The following SIMC1 variants were observed in gnomAD, a reference collection of about 807,000 sequenced individuals.
SIMC1 encodes the protein SUMO interacting motifs containing 1, also known as SUMO-interacting motif-containing protein 1.
A neutral mutation model predicts 82.3 loss-of-function variants in SIMC1; 55 were observed. The observed-to-expected ratio is 0.67, with a 90% CI of 0.54 to 0.84. SIMC1 has a LOEUF of 0.84. Ranked by LOEUF, SIMC1 falls within the 40% of genes least tolerant of loss-of-function variation. SIMC1 has a pLI of 0.00. For synonymous variants in SIMC1, 353 were observed against 426.3 expected (o/e 0.83, Z 2.12); for missense variants, 915 against 1,107.2 (o/e 0.83, Z 2.46).
At position 176,336,889 on chromosome 5, in the gene SIMC1, C is replaced by A; in HGVS notation, c.2328+13C>A. ...GCTCAAGTGTCAGGTACATTTTTTC[C>A]TGCCCAATTTCAGGCCTAGAGCACC... On this transcript the variant is annotated intron_variant, in intron 8 of 9. Coordinates refer to ENST00000429602, the MANE Select transcript of SIMC1 (RefSeq NM_001308195.2). 1 of 1,613,784 alleles carries A rather than the reference C, an allele frequency of 6.2e-7. No individual in the cohort carries two copies. Among genetic ancestry groups the A allele is most frequent in the Non-Finnish European group, 8.5e-7 (1 of 1,179,810 alleles).
chr5:176,275,617 G>A (rs1388751000), intron 1 of SIMC1, among the ~76,000 whole-genome samples: 2 of 151,718 alleles, frequency 1.3e-5, no homozygotes, highest in Non-Finnish European at 2.9e-5. Context: ...GTTTGTCATA[G>A]ATAGCTCTTA....
chr5:176,279,095 T>C lies in SIMC1; in HGVS notation c.130-10559T>C, dbSNP rs534801420. ...CATCTGGTCCTGGACTCTTTTTGGT[T>C]AGTAAGCTATTGATTGTTGCCACAA... On this transcript the variant is annotated intron_variant, in intron 1 of 9. Coordinates refer to ENST00000429602, the MANE Select transcript of SIMC1 (RefSeq NM_001308195.2). 1.6e-4 allele frequency among the ~76,000 whole-genome samples: 24 copies of C among 151,536 alleles called. No homozygotes were observed. The South Asian group carries it at 4.8e-3, about 30-fold the overall frequency.
At chr5:176,304,189 AT>A (rs59835353) in intron 4 of SIMC1, 89,099 of 151,856 alleles carry the variant, frequency 0.59, 26,200 homozygotes, top group Middle Eastern at 0.63. Flanking sequence ...GAGGGTTAAT[AT>A]CCAGAATATA....
intron 1 of SIMC1, among the ~76,000 whole-genome samples, chr5:176,247,804 C>T (rs1761500941): frequency 6.6e-6 from 1 of 151,448 alleles, no homozygotes; most frequent in Non-Finnish European, 1.5e-5. Flanking sequence ...GGAAGGGGCC[C>T]GGTTTCAGTT....
At chr5:176,338,792 CT>C (rs1486498254) in intron 9 of SIMC1, among the ~76,000 whole-genome samples, 15 of 79,940 alleles carry the variant, frequency 1.9e-4, no homozygotes, top group African/African-American at 5.2e-4. Context: ...GTTGTAGAGA[CT>C]TTAAAAAAAA....
intron 5 of SIMC1, among the ~76,000 whole-genome samples, chr5:176,318,591 A>G (rs947550738): frequency 8.5e-5 from 13 of 152,122 alleles, no homozygotes; most frequent in African/African-American, 2.7e-4. Context: ...TTTCTCTTTC[A>G]TGGCTCATAC....
In SIMC1 at chr5:176,313,806, A is replaced by G. The variant is rs1366699263; in HGVS notation, c.1850A>G (p.Asn617Ser). ...QRQHLQQSIA[N>S]MVLSCDKQPH... The stretch of plus-strand genomic sequence containing the variant: ...CAGCACCTGCAGCAATCCATTGCAA[A>G]CATGGTGCTTTCCTGTGACAAGCAG... The change falls in exon 5 of 10, where the codon AAC (asparagine) becomes AGC (serine). Residue 617 changes from asparagine (N) to serine (S), a missense_variant. This residue lies in a region of SIMC1 where 902 missense variants were observed against 1,040.3 expected (regional missense o/e 0.87). Coordinates refer to ENST00000429602, the MANE Select transcript of SIMC1 (RefSeq NM_001308195.2). 13 of 1,613,886 alleles carry G rather than the reference A, an allele frequency of 8.1e-6. No individual in the cohort carries two copies. The highest frequency in any genetic ancestry group is 1.0e-5 in the Non-Finnish European group (12 of 1,179,880).
At chr5:176,315,327 G>C (rs1041642456) in intron 5 of SIMC1, among the ~76,000 whole-genome samples, 3 of 152,140 alleles carry the variant, frequency 2.0e-5, no homozygotes, top group Admixed American at 1.3e-4. Context: ...AACTAATAGA[G>C]TGAGAACTCA....
Position 176,335,869 on chromosome 5 carries a change from C to A in SIMC1, c.2172-851C>A, listed in dbSNP as rs562669858. On this transcript the variant is annotated intron_variant, in intron 7 of 9. Coordinates refer to ENST00000429602, the MANE Select transcript of SIMC1 (RefSeq NM_001308195.2). Reference sequence around the variant, plus strand: ...GCCAGCCCTGACAACATAGTGAGACCGCATCTCTACAAAAAAAATAATAAT... The same window carrying A: ...GCCAGCCCTGACAACATAGTGAGACAGCATCTCTACAAAAAAAATAATAAT... Among the ~76,000 whole-genome samples the A allele has an allele frequency of 1.8e-3, 269 of 152,010 alleles. 1 individual carries two copies. Among genetic ancestry groups the A allele is most frequent in the African/African-American group, 6.2e-3 (258 of 41,468 alleles).
chr5:176,281,419 C>G (rs1200072374), intron 1 of SIMC1, among the ~76,000 whole-genome samples: 1 of 152,188 alleles, frequency 6.6e-6, no homozygotes, highest in Non-Finnish European at 1.5e-5. Flanking sequence ...AAACCTTCTT[C>G]TCTCAACTCG....
intron 1 of SIMC1, among the ~76,000 whole-genome samples, chr5:176,255,476 T>C (rs1204244408): frequency 6.6e-6 from 1 of 151,488 alleles, no homozygotes; most frequent in Non-Finnish European, 1.5e-5. Flanking sequence ...CCAGCTACTA[T>C]GGAGGCTGAG....
chr5:176,345,440 T>G lies in SIMC1; in HGVS notation c.2671T>G (p.Ser891Ala). Residue 891 changes from serine (S) to alanine (A), a missense_variant, in exon 10 of 10, where the codon TCC (serine) becomes GCC (alanine). Physicochemically the swap from Ser to Ala is moderately conservative, Grantham distance 99. Coordinates refer to ENST00000429602, the MANE Select transcript of SIMC1 (RefSeq NM_001308195.2). ...GCCCTTTCAAAAGGGCTGGAGCGGC[T>G]CCTGAGGGCCTGCCAAGCACTGAAT... The part of the protein sequence containing the change: ...AEPFQKGWSG[S>A] 1 of 1,611,926 alleles carries G rather than the reference T, an allele frequency of 6.2e-7. No individual in the cohort carries two copies. The highest frequency in any genetic ancestry group is 8.5e-7 in the Non-Finnish European group (1 of 1,178,772).
At chr5:176,286,638 G>A (rs1454611562) in intron 1 of SIMC1, among the ~76,000 whole-genome samples, 1 of 152,172 alleles carries the variant, frequency 6.6e-6, no homozygotes, top group Non-Finnish European at 1.5e-5. Flanking sequence ...TTGACAAACG[G>A]GATCTAATTA....
intron 1 of SIMC1, among the ~76,000 whole-genome samples, chr5:176,286,061 C>A (rs1763263689): frequency 1.3e-5 from 2 of 152,194 alleles, no homozygotes; most frequent in African/African-American, 4.8e-5. Flanking sequence ...CCATACTGCC[C>A]AAGGTAATTT....
intron 4 of SIMC1, among the ~76,000 whole-genome samples, chr5:176,307,863 A>T (rs547479482): frequency 1.3e-5 from 2 of 152,344 alleles, no homozygotes; most frequent in East Asian, 3.9e-4. Flanking sequence ...ACATAAATTT[A>T]TTTGCCCTAT....
At chr5:176,328,344 G>T (rs1169253750) in intron 7 of SIMC1, among the ~76,000 whole-genome samples, 1 of 151,962 alleles carries the variant, frequency 6.6e-6, no homozygotes, top group East Asian at 1.9e-4. Flanking sequence ...GTTAAGGTAA[G>T]CCACAGACTA....
chr5:176,305,597 G>A (rs1486541051), intron 4 of SIMC1, among the ~76,000 whole-genome samples: 20 of 140,980 alleles, frequency 1.4e-4, no homozygotes, highest in South Asian at 6.6e-4. Context: ...TCAGCCCTCC[G>A]CCCGGCCAAC....
chr5:176,249,798 C>G (rs1312081267), intron 1 of SIMC1, among the ~76,000 whole-genome samples: 1 of 134,266 alleles, frequency 7.4e-6, no homozygotes, highest in Non-Finnish European at 1.5e-5. Flanking sequence ...GAGCCGAGAT[C>G]ATGCCACTGC....
intron 1 of SIMC1, among the ~76,000 whole-genome samples, chr5:176,256,317 A>G (rs1761850726): frequency 1.3e-5 from 2 of 152,166 alleles, no homozygotes; most frequent in Non-Finnish European, 2.9e-5. Flanking sequence ...AAATATATAT[A>G]CACGTATTTT....
Sources: allele counts gnomAD v4.1 joint callset (sites outside exome capture counted in the v4.1 genomes callset), GRCh38; gene constraint gnomAD v4.1.1; regional missense constraint gnomAD v4.1.1; transcripts MANE v1.5; gene names NCBI Gene and HGNC (gene_info 2026-07-23, HGNC 2026-07-21).